NBAS: variants seen among roughly 807,000 people sequenced by gnomAD.
NBAS encodes the protein NBAS subunit of NRZ tethering complex.
NBAS carries 219 observed loss-of-function variants against 302.5 expected under a neutral mutation model. The ratio of observed to expected loss-of-function variants is 0.72; its 90% confidence interval spans 0.65 to 0.81. The LOEUF is 0.81. Among genes scored for constraint, NBAS ranks in the 30% least tolerant of loss-of-function variants. NBAS has a pLI of 0.00. For synonymous variants in NBAS, 1,118 were observed against 1,021.6 expected (o/e 1.09, Z -1.80); for missense variants, 2,932 against 2,841.6 (o/e 1.03, Z -0.72).
chr2:15,056,851 C>T, the NBAS span, among the ~76,000 whole-genome samples: 70 of 131,046 alleles, frequency 5.3e-4, no homozygotes, highest in Middle Eastern at 4.1e-3. Context: ...TTTTTTTTGA[C>T]GGAGTCTCAC....
chr2:15,446,192 T>C (rs899448226), intron 21 of NBAS, among the ~76,000 whole-genome samples: 1 of 151,944 alleles, frequency 6.6e-6, no homozygotes, highest in Non-Finnish European at 1.5e-5. Context: ...CTGAAGTCCA[T>C]AGATCCAAGG....
chr2:14,787,934 T>G, the NBAS span, among the ~76,000 whole-genome samples: 2 of 152,242 alleles, frequency 1.3e-5, no homozygotes, highest in African/African-American at 4.8e-5. Flanking sequence ...CTTGGTTCCA[T>G]TCTCCCTGTC....
rs10605991 is a variant in NBAS at position 15,351,870 on chromosome 2, G to GCACACACACACA, written c.4179+110_4179+121dup. ...AGCTGAAAAGAAAAGTGGTCTGCATGCACACACACACACACACACACACAC... is the reference window on the plus strand; with the variant it reads ...AGCTGAAAAGAAAAGTGGTCTGCATGCACACACACACACACACACACACACACACACACACAC... On this transcript the variant is annotated intron_variant, in intron 35 of 51. Coordinates refer to ENST00000281513, the MANE Select transcript of NBAS (RefSeq NM_015909.4). 7.8e-4 allele frequency: 548 copies of GCACACACACACA among 701,908 alleles called. 7 individuals carry two copies. The African/African-American group carries it at 8.7e-3, about 11-fold the overall frequency. The allele number at this position is 701,908 out of a possible 1,614,324, so 43.5% of individuals were successfully genotyped here.
chr2:15,449,342 G>T (rs983573141), intron 21 of NBAS, among the ~76,000 whole-genome samples: 1 of 152,122 alleles, frequency 6.6e-6, no homozygotes, highest in African/African-American at 2.4e-5. Flanking sequence ...AACATGCTAT[G>T]TGAACTATAT....
chr2:15,134,112 C>A, the NBAS span, among the ~76,000 whole-genome samples: 1 of 149,764 alleles, frequency 6.7e-6, no homozygotes, highest in African/African-American at 2.5e-5. Flanking sequence ...GTTTATGTCC[C>A]TCCCCAAATT....
At chr2:15,448,361 T>C (rs894543101) in intron 21 of NBAS, among the ~76,000 whole-genome samples, 3 of 152,212 alleles carry the variant, frequency 2.0e-5, no homozygotes, top group East Asian at 1.9e-4. Context: ...ACCACTTATA[T>C]GCTAGCAACT....
At chr2:15,319,019 G>A (rs547673870) in intron 38 of NBAS, among the ~76,000 whole-genome samples, 16 of 152,234 alleles carry the variant, frequency 1.1e-4, no homozygotes, top group South Asian at 4.2e-4. Flanking sequence ...CTCAGCAAAC[G>A]TAAAAGAACA....
intron 35 of NBAS, among the ~76,000 whole-genome samples, chr2:15,333,345 G>T (rs1431506002): frequency 6.6e-6 from 1 of 152,160 alleles, no homozygotes; most frequent in African/African-American, 2.4e-5. Context: ...ACATGAGGAT[G>T]AAAGAAGGTA....
chr2:14,845,835 G>C, the NBAS span, among the ~76,000 whole-genome samples: 4 of 151,952 alleles, frequency 2.6e-5, no homozygotes, highest in South Asian at 8.3e-4. Flanking sequence ...TGAGCTTAAA[G>C]GCAGACTATT....
the NBAS span, among the ~76,000 whole-genome samples, chr2:14,886,044 G>A: frequency 6.6e-6 from 1 of 152,306 alleles, no homozygotes; most frequent in African/African-American, 2.4e-5. Flanking sequence ...GAGGGTGGCA[G>A]ATCAAGTAAC....
the NBAS span, among the ~76,000 whole-genome samples, chr2:15,158,186 A>G: frequency 9.1e-4 from 138 of 152,288 alleles, 2 homozygotes; most frequent in African/African-American, 3.2e-3. Context: ...CTTTTCTGAT[A>G]AATTCTCTGG....
the NBAS span, among the ~76,000 whole-genome samples, chr2:14,880,817 C>T: frequency 2.6e-5 from 4 of 151,654 alleles, no homozygotes; most frequent in Non-Finnish European, 5.9e-5. Flanking sequence ...AAAAGACCTA[C>T]AATGTACCTT....
chr2:14,797,503 G>A, the NBAS span, among the ~76,000 whole-genome samples: 10 of 152,170 alleles, frequency 6.6e-5, no homozygotes, highest in Non-Finnish European at 1.2e-4. Context: ...CCACACTGCA[G>A]ATGGCAGGAA....
chr2:15,421,729 T>G (rs1255295740), intron 23 of NBAS, among the ~76,000 whole-genome samples: 6 of 151,882 alleles, frequency 4.0e-5, no homozygotes, highest in Non-Finnish European at 7.4e-5. Flanking sequence ...TTATCCCTTA[T>G]TACTCAAAAA....
chr2:15,221,479 T>C lies in NBAS; in HGVS notation c.6237-2511A>G, dbSNP rs370027943. Among the ~76,000 whole-genome samples, 32 of 152,276 alleles carry C rather than the reference T, an allele frequency of 2.1e-4. No homozygotes were observed. In the East Asian group the frequency reaches 3.1e-3, roughly 15 times the overall value. ...AAGCACTATAGTTTGTGCTTAATGA[T>C]ACAGAGATAAAAAAAAATTATATGG... On this transcript the variant is annotated intron_variant, in intron 47 of 51. Transcript: ENST00000281513.
At chr2:14,905,968 C>T in the NBAS span, among the ~76,000 whole-genome samples, 1 of 152,182 alleles carries the variant, frequency 6.6e-6, no homozygotes, top group Non-Finnish European at 1.5e-5. Context: ...CTGATGAGTA[C>T]GCTTGTCTGT....
At chr2:15,522,748 C>T (rs2148663582) in intron 9 of NBAS, among the ~76,000 whole-genome samples, 1 of 152,312 alleles carries the variant, frequency 6.6e-6, no homozygotes, top group African/African-American at 2.4e-5. Flanking sequence ...TGGGCGCCAG[C>T]CCCCAAGCAG....
chr2:14,830,207 AG>A, the NBAS span, among the ~76,000 whole-genome samples: 2 of 152,232 alleles, frequency 1.3e-5, no homozygotes, highest in African/African-American at 2.4e-5. Context: ...GCAGAGGTAG[AG>A]GGGCCATCTT....
chr2:15,273,441 C>T (rs140616181), intron 44 of NBAS, among the ~76,000 whole-genome samples: 22 of 152,180 alleles, frequency 1.4e-4, no homozygotes, highest in Non-Finnish European at 3.2e-4. Context: ...GTTCCAGGTC[C>T]CCTGACTCTA....
Sources: allele counts gnomAD v4.1 joint callset (sites outside exome capture counted in the v4.1 genomes callset), GRCh38; gene constraint gnomAD v4.1.1; transcripts MANE v1.5; gene names NCBI Gene and HGNC (gene_info 2026-07-23, HGNC 2026-07-21).